Variants in MED26 observed in about 807,000 individuals in gnomAD.
MED26 encodes mediator complex subunit 26, also known as mediator of RNA polymerase II transcription subunit 26.
MED26 carries 7 observed loss-of-function variants against 43.7 expected under a neutral mutation model. That is an observed-to-expected ratio of 0.16 (90% CI 0.09 to 0.30). The LOEUF (loss-of-function observed/expected upper bound fraction) is 0.30, where lower values mean the gene tolerates loss of function less well. MED26 is among the 10% of genes least tolerant of loss of function. The pLI is 1.00. For synonymous variants in MED26, 375 were observed against 371.1 expected (o/e 1.01, Z -0.12); for missense variants, 784 against 840.6 (o/e 0.93, Z 0.83).
intron 1 of MED26, among the ~76,000 whole-genome samples, chr19:16,595,217 G>A (rs2086114957): frequency 6.6e-6 from 1 of 152,154 alleles, no homozygotes; most frequent in Non-Finnish European, 1.5e-5. Context: ...GTTGACCCCA[G>A]CCCTCCTCAA....
Position 16,587,119 on chromosome 19 carries a change from CA to C in MED26, c.73-8711del, listed in dbSNP as rs1208751698. 6.6e-6 allele frequency: 1 copy of C among 152,104 alleles called. No individual in the cohort carries two copies. Among genetic ancestry groups the C allele is most frequent in the African/African-American group, 2.4e-5 (1 of 41,372 alleles). The allele number at this position is 152,104 out of a possible 1,614,324, so 9.4% of individuals were successfully genotyped here. A position where few individuals can be genotyped will look rare whatever the true frequency, so the allele number is the denominator to read the frequency against. On this transcript the variant is annotated intron_variant, in intron 1 of 2. Coordinates refer to ENST00000263390, the MANE Select transcript of MED26 (RefSeq NM_004831.5). This position sits in a 1 kb window ranked among gnomAD's most constrained non-coding sequence, Gnocchi z 4.9. ...CGGCTGAGTCACCTCGCCCACCCCC[CA>C]ACCCCCAACACACAGTCGTGTCTGC...
chr19:16,576,809 A>G lies in MED26; in HGVS notation c.1021T>C (p.Trp341Arg), dbSNP rs1481933336. 1 of 1,609,238 alleles carries G rather than the reference A, an allele frequency of 6.2e-7. No individual in the cohort carries two copies. The highest frequency in any genetic ancestry group is 8.5e-7 in the Non-Finnish European group (1 of 1,178,960). The change falls in exon 3 of 3, where the codon TGG becomes CGG. Residue 341 changes from tryptophan (W) to arginine (R), a missense_variant. Transcript: ENST00000263390. This position sits in a 1 kb window ranked among gnomAD's most constrained non-coding sequence, Gnocchi z 6.8. Reference sequence around the variant, plus strand: ...TGGTGGCTCTCAGGCTGCTCAAGCCAGCACACTGGGCTTTCCGCACTGGGC... The same window carrying G: ...TGGTGGCTCTCAGGCTGCTCAAGCCGGCACACTGGGCTTTCCGCACTGGGC... Reference protein sequence around the residue: ...LLPSAESPVCWLEQPESHQRL... With the variant: ...LLPSAESPVCRLEQPESHQRL...
At chr19:16,594,632 C>T (rs1468942038) in intron 1 of MED26, among the ~76,000 whole-genome samples, 2 of 152,098 alleles carry the variant, frequency 1.3e-5, no homozygotes, top group African/African-American at 2.4e-5. Flanking sequence ...TCATTTTTCA[C>T]CACGGTGAAG....
Position 16,627,970 on chromosome 19 carries a change from CCGGGCCAGCGGG to C in MED26, c.-39_-28del, listed in dbSNP as rs1432844166. ...GCCTGGGCGAGGCGGGGGGTTGCGG[CCGGGCCAGCGGG>C]CGGGCGGGCTGAGGCGGGGGACGGG... On this transcript the variant is annotated 5_prime_UTR_variant, in exon 1 of 3. Coordinates refer to ENST00000263390, the MANE Select transcript of MED26 (RefSeq NM_004831.5). 5 of 1,423,648 alleles carry C rather than the reference CCGGGCCAGCGGG, an allele frequency of 3.5e-6. No individual in the cohort carries two copies. Among genetic ancestry groups the C allele is most frequent in the Admixed American group, 2.4e-5 (1 of 40,828 alleles). 88.2% of individuals were successfully genotyped at this position (1,423,648 alleles called of 1,614,324 possible). A position where few individuals can be genotyped will look rare whatever the true frequency, so the allele number is the denominator to read the frequency against.
intron 1 of MED26, among the ~76,000 whole-genome samples, chr19:16,625,346 C>T (rs569961759): frequency 6.6e-6 from 1 of 152,324 alleles, no homozygotes; most frequent in East Asian, 1.9e-4. Context: ...GGTTGGTAAA[C>T]ACGACTTCGT....
chr19:16,621,116 T>C (rs772546020), intron 1 of MED26, among the ~76,000 whole-genome samples: 1 of 152,176 alleles, frequency 6.6e-6, no homozygotes, highest in Non-Finnish European at 1.5e-5. Flanking sequence ...TCAGCTTCCA[T>C]GCTGGGCACC....
Position 16,576,170 on chromosome 19 carries a change from T to C in MED26, c.1660A>G (p.Arg554Gly). 1 of 1,613,592 alleles carries C rather than the reference T, an allele frequency of 6.2e-7. No individual in the cohort carries two copies. The highest frequency in any genetic ancestry group is 8.5e-7 in the Non-Finnish European group (1 of 1,180,010). ...TREVTQDDLD[R>G]IQASQWPGVN... is the part of the protein sequence containing the mutation. ...CCCGGCCACTGGCTGGCCTGGATTCTGTCGAGATCGTCCTGTGTGACCTCC... is the reference window on the plus strand; with the variant it reads ...CCCGGCCACTGGCTGGCCTGGATTCCGTCGAGATCGTCCTGTGTGACCTCC... Residue 554 changes from arginine to glycine, a missense_variant, in exon 3 of 3, where the codon AGA becomes GGA. By Grantham distance (125) the Arg-to-Gly change is moderately radical (BLOSUM62 -2). Transcript: ENST00000263390. This position sits in a 1 kb window ranked among gnomAD's most constrained non-coding sequence, Gnocchi z 6.8.
intron 1 of MED26, among the ~76,000 whole-genome samples, chr19:16,627,141 T>C (rs1412340028): frequency 1.3e-5 from 2 of 152,096 alleles, no homozygotes; most frequent in Admixed American, 6.5e-5. Flanking sequence ...TCCTCTTTAA[T>C]TCACTACCTA....
chr19:16,596,967 ACCACCACTCC>A (rs2086122770), intron 1 of MED26, among the ~76,000 whole-genome samples: 1 of 152,170 alleles, frequency 6.6e-6, no homozygotes, highest in Non-Finnish European at 1.5e-5. Flanking sequence ...TCACAAGAAG[ACCACCACTCC>A]ATCACGAAGT....
At chr19:16,588,032 T>C (rs1346953416) in intron 1 of MED26, 4 of 152,282 alleles carry the variant, frequency 2.6e-5, no homozygotes, top group Admixed American at 2.6e-4. Context: ...CCAACCAAAC[T>C]ACCAACCTAG....
intron 1 of MED26, among the ~76,000 whole-genome samples, chr19:16,581,277 C>T (rs1448224237): frequency 5.3e-5 from 8 of 152,158 alleles, no homozygotes; most frequent in African/African-American, 1.9e-4. Flanking sequence ...TGGGGGTGGA[C>T]GGGTGATATG....
chr19:16,600,290 G>A (rs779425415), intron 1 of MED26, among the ~76,000 whole-genome samples: 1 of 152,162 alleles, frequency 6.6e-6, no homozygotes, highest in Non-Finnish European at 1.5e-5. Flanking sequence ...GGAAAGGAGA[G>A]CAGATACCAC....
chr19:16,583,496 AG>A (rs1382173684), intron 1 of MED26, among the ~76,000 whole-genome samples: 1 of 142,936 alleles, frequency 7.0e-6, no homozygotes, highest in Non-Finnish European at 1.5e-5. Context: ...GTGAAGGGCA[AG>A]GGTGTTGGGT....
Position 16,575,850 on chromosome 19 carries a change from A to T in MED26, c.*177T>A. On this transcript the variant is annotated 3_prime_UTR_variant, in exon 3 of 3. Transcript: ENST00000263390. Reference sequence around the variant, plus strand: ...ACTGGTAGCAGCATTTCACAAAAAGAGTTTTGAGGGAAGAGCGCAGAGAGA... The same window carrying T: ...ACTGGTAGCAGCATTTCACAAAAAGTGTTTTGAGGGAAGAGCGCAGAGAGA... The T allele has an allele frequency of 3.3e-6, 2 of 600,576 alleles. No individual in the cohort carries two copies. Among genetic ancestry groups the T allele is most frequent in the Non-Finnish European group, 5.8e-6 (2 of 341,882 alleles). The allele number at this position is 600,576 out of a possible 1,614,324, so 37.2% of individuals were successfully genotyped here.
chr19:16,607,375 GAAA>G (rs898413432), intron 1 of MED26, among the ~76,000 whole-genome samples: 5 of 111,464 alleles, frequency 4.5e-5, no homozygotes, highest in Admixed American at 1.9e-4. Flanking sequence ...CTTTTGTGGG[GAAA>G]AAAAAAAAAA....
intron 1 of MED26, among the ~76,000 whole-genome samples, chr19:16,620,736 T>C (rs1437217740): frequency 6.6e-6 from 1 of 152,250 alleles, no homozygotes; most frequent in Non-Finnish European, 1.5e-5. Context: ...GGCTCCCAAC[T>C]GGAGGCAGCA....
intron 1 of MED26, among the ~76,000 whole-genome samples, chr19:16,601,077 C>T (rs1309538809): frequency 6.6e-6 from 1 of 151,956 alleles, no homozygotes; most frequent in Admixed American, 6.6e-5. Flanking sequence ...TTACAAGCAG[C>T]TAAGGCACAG....
At position 16,577,771 on chromosome 19, in the gene MED26, T is replaced by G; in HGVS notation, c.148-89A>C. The G allele has an allele frequency of 1.9e-6, 2 of 1,065,306 alleles. No individual in the cohort carries two copies. Among genetic ancestry groups the G allele is most frequent in the Non-Finnish European group, 2.7e-6 (2 of 745,326 alleles). 66.0% of individuals were successfully genotyped at this position (1,065,306 alleles called of 1,614,324 possible). A position where few individuals can be genotyped will look rare whatever the true frequency, so the allele number is the denominator to read the frequency against. ...AAATGGTGGGAAGTGGCCCTGACAG[T>G]GAAATGACCCGGTTCCCACTGAGCC... On this transcript the variant is annotated intron_variant, in intron 2 of 2. Coordinates refer to ENST00000263390, the MANE Select transcript of MED26 (RefSeq NM_004831.5). This position sits in a 1 kb window ranked among gnomAD's most constrained non-coding sequence, Gnocchi z 8.1.
At chr19:16,608,896 A>T (rs1428690493) in intron 1 of MED26, among the ~76,000 whole-genome samples, 2 of 152,252 alleles carry the variant, frequency 1.3e-5, no homozygotes, top group African/African-American at 4.8e-5. Context: ...AATTAAACTT[A>T]AAAAGCGTGT....
Sources: gnomAD v4.1 joint callset for allele counts (sites outside exome capture counted in the v4.1 genomes callset) on GRCh38, gnomAD v4.1.1 for gene constraint, Gnocchi (gnomAD v3.1) non-coding constraint, MANE v1.5 for transcripts, NCBI Gene and HGNC (gene_info 2026-07-23, HGNC 2026-07-21) for gene names.